Variants in RPA2 observed in about 807,000 individuals in gnomAD.
The protein encoded by RPA2 is replication protein A2, also known as replication protein A 32 kDa subunit.
RPA2 carries 22 observed loss-of-function variants against 33.4 expected under a neutral mutation model. That is an observed-to-expected ratio of 0.66 (90% CI 0.47 to 0.94). The LOEUF (loss-of-function observed/expected upper bound fraction) is 0.94, where lower values mean the gene tolerates loss of function less well. Among genes scored for constraint, RPA2 ranks in the 40% least tolerant of loss-of-function variants. The pLI, the probability that RPA2 is intolerant of heterozygous loss-of-function variation, is 0.00. For synonymous variants in RPA2, 109 were observed against 114.9 expected (o/e 0.95, Z 0.33); for missense variants, 279 against 329.9 (o/e 0.85, Z 1.19).
At chr1:27,897,221 C>A in intron 5 of RPA2, 100 bp from the exon 6 acceptor site, 2 of 790,042 alleles carry the variant, frequency 2.5e-6, no homozygotes, top group Non-Finnish European at 4.1e-6. Context: ...TAATATTTCA[C>A]CAATATGAGA....
chr1:27,902,722 T>A lies in RPA2; in HGVS notation c.333+4206A>T, dbSNP rs1178231575. Among the ~76,000 whole-genome samples the A allele has an allele frequency of 3.3e-5, 5 of 152,036 alleles. No homozygotes were observed. The East Asian group carries it at 9.7e-4, about 29-fold the overall frequency. ...ACTTTGGGAGGCTGAGGTGGGAGGA[T>A]TGCTTAAACCCAGGAGTTTGAGACC... On this transcript the variant is annotated intron_variant, in intron 4 of 8. Coordinates refer to ENST00000373912, the MANE Select transcript of RPA2 (RefSeq NM_002946.5).
At chr1:27,894,146 G>C in intron 7 of RPA2, 40 bp from the exon 8 acceptor site, 1 of 1,585,392 alleles carries the variant, frequency 6.3e-7, no homozygotes, top group Non-Finnish European at 8.7e-7. Context: ...AATTATTTTG[G>C]ATCAGCCTCC....
chr1:27,891,827 T>A lies in RPA2; in HGVS notation c.*336A>T. Reference sequence around the variant, plus strand: ...CTGCTCATCTTTCAGCAGTAAACATTTTAAGAAGAGAAACTCCTGAGCACT... The same window carrying A: ...CTGCTCATCTTTCAGCAGTAAACATATTAAGAAGAGAAACTCCTGAGCACT... On this transcript the variant is annotated 3_prime_UTR_variant, in exon 9 of 9. Coordinates refer to ENST00000373912, the MANE Select transcript of RPA2 (RefSeq NM_002946.5). 1 of 212,464 alleles carries A rather than the reference T, an allele frequency of 4.7e-6. No homozygotes were observed. Among genetic ancestry groups the A allele is most frequent in the Non-Finnish European group, 9.4e-6 (1 of 106,262 alleles). The allele number at this position is 212,464 out of a possible 1,614,324, so 13.2% of individuals were successfully genotyped here.
At chr1:27,914,663 T>C (rs1175016983), upstream of RPA2, 6 of 1,613,200 alleles carry the variant, frequency 3.7e-6, no homozygotes, top group South Asian at 1.1e-5. Context: ...CTGCCCATGC[T>C]CCAGAAAACG....
intron 6 of RPA2, among the ~76,000 whole-genome samples, chr1:27,895,958 C>T (rs1168650567): frequency 1.3e-5 from 2 of 152,088 alleles, no homozygotes; most frequent in African/African-American, 4.8e-5. Context: ...CATCCTAGTC[C>T]CTCTGGTTTA....
chr1:27,899,182 G>A (rs2089931357), intron 4 of RPA2, among the ~76,000 whole-genome samples: 1 of 152,124 alleles, frequency 6.6e-6, no homozygotes. Context: ...AGACCAGCCT[G>A]GCCAACGTGG....
At chr1:27,894,229 A>G in intron 7 of RPA2, 61 bp downstream of exon 7, 1 of 1,547,044 alleles carries the variant, frequency 6.5e-7, no homozygotes, top group Non-Finnish European at 8.9e-7. Flanking sequence ...TCATTAAGGA[A>G]GTAACAAAAT....
Position 27,897,040 on chromosome 1 carries a change from T to G in RPA2, c.490A>C (p.Asn164His). The G allele has an allele frequency of 6.2e-7, 1 of 1,613,672 alleles. No individual in the cohort carries two copies. The highest frequency in any genetic ancestry group is 8.5e-7 in the Non-Finnish European group (1 of 1,179,992). Reference protein sequence around the residue: ...EFTTHILEVINAHMVLSKANS... With the variant: ...EFTTHILEVIHAHMVLSKANS... ...GCTTTGCTTAGTACCATGTGTGCAT[T>G]GATCACTTCCAGAATATGTGTGGTG... Residue 164 changes from asparagine to histidine, a missense_variant, in exon 6 of 9, where the codon AAT becomes CAT. Transcript: ENST00000373912.
chr1:27,898,702 C>A (rs1185480569), intron 4 of RPA2, among the ~76,000 whole-genome samples: 1 of 151,756 alleles, frequency 6.6e-6, no homozygotes, highest in Non-Finnish European at 1.5e-5. Flanking sequence ...CCTGCCACCA[C>A]ACCTGGTTAA....
chr1:27,898,916 T>C (rs866509964), intron 4 of RPA2, among the ~76,000 whole-genome samples: 14 of 152,190 alleles, frequency 9.2e-5, no homozygotes, highest in South Asian at 2.1e-4. Flanking sequence ...TTAAAAAAAA[T>C]TGAAAATATA....
At chr1:27,895,140 T>G (rs1475893217) in intron 6 of RPA2, among the ~76,000 whole-genome samples, 2 of 152,076 alleles carry the variant, frequency 1.3e-5, no homozygotes, top group East Asian at 3.8e-4. Flanking sequence ...CTTCTATCTG[T>G]CTCCCAAAAA....
In RPA2 at chr1:27,895,259, T is replaced by TA. The variant is rs1224553794; in HGVS notation, c.526-863dup. Among the ~76,000 whole-genome samples the TA allele has an allele frequency of 1.3e-4, 19 of 151,994 alleles. 1 individual carries two copies. The highest frequency in any genetic ancestry group is 1.1e-3 in the Admixed American group (17 of 15,254). On this transcript the variant is annotated intron_variant, in intron 6 of 8. Transcript: ENST00000373912. ...CAACATGGTGAAACCCCGCCTGTATTAAAAATACAAAAATTAGCTGGGTAT... is the reference window on the plus strand; with the variant it reads ...CAACATGGTGAAACCCCGCCTGTATTAAAAAATACAAAAATTAGCTGGGTAT...
At position 27,903,864 on chromosome 1, in the gene RPA2, T is replaced by TA. The variant is rs34163774; in HGVS notation, c.333+3063dup. On this transcript the variant is annotated intron_variant, in intron 4 of 8. Coordinates refer to ENST00000373912, the MANE Select transcript of RPA2 (RefSeq NM_002946.5). ...AGCAAGCCAAGACCCTGTCTCTATT[T>TA]AAAAAAAAAAAAAAAAAAAAAAAAG... Among the ~76,000 whole-genome samples, 645 of 92,734 alleles carry TA rather than the reference T, an allele frequency of 7.0e-3. 5 individuals carry two copies. The highest frequency in any genetic ancestry group is 0.014 in the East Asian group (45 of 3,112). The allele number at this position is 92,734 out of a possible 152,430, so 60.8% of individuals were successfully genotyped here.
intron 4 of RPA2, among the ~76,000 whole-genome samples, chr1:27,900,127 T>G (rs2089950181): frequency 6.6e-6 from 1 of 152,168 alleles, no homozygotes; most frequent in African/African-American, 2.4e-5. Context: ...TTTATTTGGT[T>G]TTTTGATAAG....
At chr1:27,901,648 A>G (rs964201964) in intron 4 of RPA2, among the ~76,000 whole-genome samples, 5 of 152,164 alleles carry the variant, frequency 3.3e-5, no homozygotes, top group Non-Finnish European at 7.3e-5. Context: ...GACGTGAGCC[A>G]CCGCGCCCAG....
chr1:27,898,415 G>GC (rs2089918836), intron 4 of RPA2, among the ~76,000 whole-genome samples: 1 of 152,050 alleles, frequency 6.6e-6, no homozygotes, highest in African/African-American at 2.4e-5. Context: ...GAAAAAAGCT[G>GC]ATTTCCCATT....
At chr1:27,908,504 CT>C (rs1224486461) in intron 2 of RPA2, among the ~76,000 whole-genome samples, 2 of 150,442 alleles carry the variant, frequency 1.3e-5, no homozygotes, top group African/African-American at 2.4e-5. Flanking sequence ...CAAATTATAT[CT>C]TTTTTTTTGA....
intron 4 of RPA2, among the ~76,000 whole-genome samples, chr1:27,906,662 G>A (rs949830948): frequency 6.6e-6 from 1 of 152,088 alleles, no homozygotes; most frequent in Admixed American, 6.6e-5. Context: ...GCACTGCCTG[G>A]GCGACAGAGT....
chr1:27,896,807 C>A (rs2089897511), intron 6 of RPA2, among the ~76,000 whole-genome samples, 198 bp downstream of exon 6: 1 of 152,116 alleles, frequency 6.6e-6, no homozygotes, highest in Non-Finnish European at 1.5e-5. Context: ...CAGAGGAACT[C>A]CTAATTCTGA....
Sources: allele counts gnomAD v4.1 joint callset (sites outside exome capture counted in the v4.1 genomes callset), GRCh38; gene constraint gnomAD v4.1.1; transcripts MANE v1.5; gene names NCBI Gene and HGNC (gene_info 2026-07-23, HGNC 2026-07-21).